Variants in JCAD observed in about 807,000 individuals in gnomAD.
JCAD encodes the protein junctional cadherin 5 associated, also known as junctional cadherin 5-associated protein.
Under a neutral mutation model 98.0 loss-of-function variants are expected in JCAD, and 40 were observed. That is an observed-to-expected ratio of 0.41 (90% confidence interval 0.32 to 0.53). The LOEUF is 0.53. Among genes scored for constraint, JCAD ranks in the 20% least tolerant of loss-of-function variants. The pLI, the probability that JCAD is intolerant of heterozygous loss-of-function variation, is 0.31. For synonymous variants in JCAD, 691 were observed against 682.3 expected, an observed-to-expected ratio of 1.01 and a Z score of -0.20; for missense variants, 1,705 against 1,738.1, an observed-to-expected ratio of 0.98 and a Z score of 0.34.
chr10:30,069,983 T>C (rs568534578), intron 1 of JCAD, among the ~76,000 whole-genome samples: 63 of 152,286 alleles, frequency 4.1e-4, no homozygotes, highest in African/African-American at 1.4e-3. Flanking sequence ...TAGCCTCTTA[T>C]GGACCTGAAT....
chr10:30,054,438 C>T (rs961269503), intron 1 of JCAD, among the ~76,000 whole-genome samples: 7 of 151,862 alleles, frequency 4.6e-5, no homozygotes, highest in African/African-American at 1.7e-4. Flanking sequence ...CATATACTTA[C>T]TATACTTAAC....
At chr10:30,025,982 C>T in intron 3 of JCAD, 121 bp downstream of exon 3, 1 of 1,146,874 alleles carries the variant, frequency 8.7e-7, no homozygotes, top group Non-Finnish European at 1.3e-6. Context: ...AAAACAATTC[C>T]CAGGGTCAAC....
At chr10:30,112,720 A>G (rs533198472) in intron 1 of JCAD, among the ~76,000 whole-genome samples, 114 of 152,068 alleles carry the variant, frequency 7.5e-4, no homozygotes, top group Non-Finnish European at 1.4e-3. Context: ...AAAAATAAAA[A>G]AATTAGCCAG....
chr10:30,038,651 A>C (rs1837171208), intron 2 of JCAD, among the ~76,000 whole-genome samples: 1 of 148,064 alleles, frequency 6.8e-6, no homozygotes, highest in Non-Finnish European at 1.5e-5. Context: ...GTGCCACTGC[A>C]CTCGCCTGGG....
chr10:30,052,784 T>G lies in JCAD; in HGVS notation c.-59-4913A>C, dbSNP rs547393147. ...TTGCGATGCTATGGTCTAGGTGGTA[T>G]TATTTCAATTACGGATCTTCTCATC... is the stretch of plus-strand genomic sequence containing the variant. On this transcript the variant is annotated intron_variant, in intron 1 of 3. Transcript: ENST00000375377. Among the ~76,000 whole-genome samples the G allele has an allele frequency of 3.0e-4, 46 of 152,342 alleles. No individual in the cohort carries two copies. The Middle Eastern group carries it at 0.01, about 34-fold the overall frequency.
At chr10:30,029,981 G>T in intron 2 of JCAD, 115 bp from the exon 3 acceptor site, 1 of 1,175,846 alleles carries the variant, frequency 8.5e-7, no homozygotes, top group Non-Finnish European at 1.2e-6. Flanking sequence ...TTGGTTCCCA[G>T]CCACAGTACT....
At chr10:30,021,756 T>C (rs369238358) in intron 3 of JCAD, among the ~76,000 whole-genome samples, 21 of 152,166 alleles carry the variant, frequency 1.4e-4, no homozygotes, top group African/African-American at 4.8e-4. Context: ...GGCTACAATA[T>C]TGGACAGCAC....
At chr10:30,080,541 G>C (rs568982630) in intron 1 of JCAD, among the ~76,000 whole-genome samples, 1 of 152,116 alleles carries the variant, frequency 6.6e-6, no homozygotes, top group Non-Finnish European at 1.5e-5. Flanking sequence ...ATCCCATTTC[G>C]ATCATGACAT....
intron 1 of JCAD, among the ~76,000 whole-genome samples, chr10:30,091,110 G>A (rs1006455252): frequency 6.6e-6 from 1 of 152,250 alleles, no homozygotes; most frequent in Non-Finnish European, 1.5e-5. Context: ...GTACGTTTAT[G>A]AGAGGCTTTG....
chr10:30,018,951 T>C (rs1402164995), intron 3 of JCAD, among the ~76,000 whole-genome samples: 1 of 152,214 alleles, frequency 6.6e-6, no homozygotes, highest in Non-Finnish European at 1.5e-5. Flanking sequence ...GGAAGAGATA[T>C]CTGCACTGCA....
chr10:30,068,650 C>A (rs12411741), intron 2 of JCAD, among the ~76,000 whole-genome samples: 10,877 of 152,224 alleles, frequency 0.071, 520 homozygotes, highest in East Asian at 0.24. Flanking sequence ...GTTTATTTGG[C>A]CTTCATTAAT....
At chr10:30,041,798 G>A (rs996726091) in intron 2 of JCAD, among the ~76,000 whole-genome samples, 18 of 152,198 alleles carry the variant, frequency 1.2e-4, no homozygotes, top group African/African-American at 4.3e-4. Context: ...AGCTTCCTCT[G>A]ATTATAATAT....
At chr10:30,109,980 G>A (rs1296633037) in intron 1 of JCAD, among the ~76,000 whole-genome samples, 1 of 151,808 alleles carries the variant, frequency 6.6e-6, no homozygotes, top group East Asian at 1.9e-4. Context: ...TGATATATGG[G>A]CCAGCTGATA....
At chr10:30,024,571 G>A (rs541084316) in intron 3 of JCAD, among the ~76,000 whole-genome samples, 2 of 152,128 alleles carry the variant, frequency 1.3e-5, no homozygotes, top group African/African-American at 4.8e-5. Context: ...ATCCAACGGG[G>A]CCCCGACGAA....
chr10:30,061,315 G>A (rs545746298), upstream of JCAD, among the ~76,000 whole-genome samples: 1 of 152,338 alleles, frequency 6.6e-6, no homozygotes, highest in East Asian at 1.9e-4. Context: ...GGACAAGGCA[G>A]GCGGATCACC....
chr10:30,076,664 T>A (rs1027072641), intron 1 of JCAD, among the ~76,000 whole-genome samples: 17 of 152,206 alleles, frequency 1.1e-4, no homozygotes, highest in African/African-American at 4.1e-4. Context: ...AAGGATTATC[T>A]ATGTGCAGCT....
Position 30,080,025 on chromosome 10 carries a change from A to G in JCAD, n.129-10204T>C, listed in dbSNP as rs577954223. Reference sequence around the variant, plus strand: ...TTGGCAGAAAAAAAACTCCTATAAGATAATTTCCTTACTGAGCTACCTGAG... The same window carrying G: ...TTGGCAGAAAAAAAACTCCTATAAGGTAATTTCCTTACTGAGCTACCTGAG... On this transcript the variant is annotated intron_variant and non_coding_transcript_variant, in intron 1 of 2. Transcript: ENST00000465712. Among the ~76,000 whole-genome samples, 3 of 152,294 alleles carry G rather than the reference A, an allele frequency of 2.0e-5. No individual in the cohort carries two copies. In the South Asian group the frequency reaches 6.2e-4, roughly 32 times the overall value.
chr10:30,045,682 G>A (rs1340238201), intron 2 of JCAD, among the ~76,000 whole-genome samples: 1 of 152,160 alleles, frequency 6.6e-6, no homozygotes, highest in Non-Finnish European at 1.5e-5. Flanking sequence ...CCAAGAAAGT[G>A]AAGGCCTTGA....
At chr10:30,062,610 A>G (rs1409207839), upstream of JCAD, among the ~76,000 whole-genome samples, 1 of 152,120 alleles carries the variant, frequency 6.6e-6, no homozygotes, top group Non-Finnish European at 1.5e-5. Context: ...GGTTTAATGG[A>G]CTCACAGCTG....
Sources: allele counts gnomAD v4.1 joint callset (sites outside exome capture counted in the v4.1 genomes callset), GRCh38; gene constraint gnomAD v4.1.1; transcripts MANE v1.5; gene names NCBI Gene and HGNC (gene_info 2026-07-23, HGNC 2026-07-21).